NXPH1: variants seen among roughly 807,000 people sequenced by gnomAD.
NXPH1 encodes the protein neurexophilin-1.
A neutral mutation model predicts 23.7 loss-of-function variants in NXPH1; 5 were observed. That is an observed-to-expected ratio of 0.21 (90% confidence interval 0.11 to 0.44). The LOEUF is 0.44. Among genes scored for constraint, NXPH1 ranks in the 20% least tolerant of loss-of-function variants. NXPH1 has a pLI of 0.99. For synonymous variants in NXPH1, 144 were observed against 122.2 expected (o/e 1.18, Z -1.18); for missense variants, 324 against 321.6 (o/e 1.01, Z -0.06).
chr7:8,739,973 C>A (rs148616227), intron 2 of NXPH1, among the ~76,000 whole-genome samples: 1 of 152,288 alleles, frequency 6.6e-6, no homozygotes, highest in African/African-American at 2.4e-5. Flanking sequence ...CCATCTTTGT[C>A]TGAACATCAG....
At chr7:8,562,858 A>T (rs73050698) in intron 2 of NXPH1, among the ~76,000 whole-genome samples, 7,903 of 151,802 alleles carry the variant, frequency 0.052, 273 homozygotes, top group Middle Eastern at 0.099. Flanking sequence ...CTGAGTGGTG[A>T]GAATATCAAT....
At chr7:8,734,759 G>A (rs1291443911) in intron 2 of NXPH1, among the ~76,000 whole-genome samples, 2 of 152,078 alleles carry the variant, frequency 1.3e-5, no homozygotes, top group Non-Finnish European at 2.9e-5. Flanking sequence ...TTAATTTTCT[G>A]TCTCATTGAT....
At chr7:8,511,289 G>A (rs973324213) in intron 2 of NXPH1, among the ~76,000 whole-genome samples, 7 of 152,098 alleles carry the variant, frequency 4.6e-5, no homozygotes, top group African/African-American at 1.7e-4. Flanking sequence ...AATTACTGAA[G>A]AGTCTGTTTT....
chr7:8,607,509 T>A (rs1819520678), intron 2 of NXPH1, among the ~76,000 whole-genome samples: 1 of 152,210 alleles, frequency 6.6e-6, no homozygotes, highest in South Asian at 2.1e-4. Context: ...TGCCCTTGGC[T>A]ATTAATGCAA....
intron 2 of NXPH1, among the ~76,000 whole-genome samples, chr7:8,644,878 T>C (rs75049824): frequency 0.035 from 5,314 of 152,272 alleles, 295 homozygotes; most frequent in East Asian, 0.17. Context: ...TATATATGTT[T>C]ATCTCCCCAA....
intron 2 of NXPH1, among the ~76,000 whole-genome samples, chr7:8,588,278 A>G (rs569928200): frequency 1.3e-5 from 2 of 152,282 alleles, no homozygotes; most frequent in Admixed American, 1.3e-4. Flanking sequence ...AAATCATTCT[A>G]CTGTAAAGAC....
intron 2 of NXPH1, among the ~76,000 whole-genome samples, chr7:8,574,593 A>G (rs903845985): frequency 1.3e-5 from 2 of 152,166 alleles, no homozygotes; most frequent in African/African-American, 4.8e-5. Context: ...AGGCCAAACA[A>G]CACCACAGGT....
chr7:8,572,593 T>A (rs1170052355), intron 2 of NXPH1, among the ~76,000 whole-genome samples: 5 of 152,018 alleles, frequency 3.3e-5, no homozygotes, highest in Admixed American at 3.3e-4. Context: ...CTGATGCTTA[T>A]TTTTTTAAAG....
chr7:8,485,080 A>G (rs1321637033), intron 2 of NXPH1, among the ~76,000 whole-genome samples: 1 of 152,132 alleles, frequency 6.6e-6, no homozygotes, highest in Non-Finnish European at 1.5e-5. Flanking sequence ...TTCTAACGTA[A>G]GAAGAACTAG....
chr7:8,652,968 T>C (rs924793284), intron 2 of NXPH1, among the ~76,000 whole-genome samples: 13 of 151,982 alleles, frequency 8.6e-5, no homozygotes, highest in African/African-American at 3.1e-4. Context: ...CAGAAAAATA[T>C]AGGGCCATTG....
At chr7:8,629,585 G>A (rs2115133206) in intron 2 of NXPH1, among the ~76,000 whole-genome samples, 1 of 152,194 alleles carries the variant, frequency 6.6e-6, no homozygotes, top group Admixed American at 6.6e-5. Flanking sequence ...ATGTATATAA[G>A]TCATCGAGAT....
At chr7:8,604,560 G>A (rs1034366590) in intron 2 of NXPH1, among the ~76,000 whole-genome samples, 3 of 151,990 alleles carry the variant, frequency 2.0e-5, no homozygotes, top group Non-Finnish European at 4.4e-5. Flanking sequence ...GCTTTGAAGT[G>A]AACAATATAA....
intron 2 of NXPH1, among the ~76,000 whole-genome samples, chr7:8,602,776 A>G (rs1002750231): frequency 6.6e-6 from 1 of 152,096 alleles, no homozygotes; most frequent in Non-Finnish European, 1.5e-5. Context: ...TAGCTCCAAT[A>G]TCATGTTCCT....
chr7:8,478,938 A>G (rs1299497824), intron 2 of NXPH1, among the ~76,000 whole-genome samples: 1 of 152,126 alleles, frequency 6.6e-6, no homozygotes, highest in East Asian at 1.9e-4. Context: ...TTATTGGCAT[A>G]CAATGACCCA....
intron 2 of NXPH1, among the ~76,000 whole-genome samples, chr7:8,660,935 G>C (rs1053916784): frequency 6.6e-6 from 1 of 150,706 alleles, no homozygotes; most frequent in African/African-American, 2.4e-5. Context: ...AAAATCAGAG[G>C]ACATAATTTT....
intron 2 of NXPH1, among the ~76,000 whole-genome samples, chr7:8,694,593 T>C (rs577623911): frequency 1.3e-4 from 20 of 152,298 alleles, no homozygotes; most frequent in African/African-American, 4.8e-4. Flanking sequence ...AACACATCTA[T>C]TTTTTTCATA....
chr7:8,503,329 G>A lies in NXPH1; in HGVS notation c.54+67562G>A, dbSNP rs566386326. Among the ~76,000 whole-genome samples the A allele has an allele frequency of 6.6e-5, 10 of 152,084 alleles. No individual in the cohort carries two copies. In the South Asian group the frequency reaches 2.1e-3, roughly 32 times the overall value. Reference sequence around the variant, plus strand: ...AGGAGCAGAGCTAGGGTTTGAACCTGAGTATTTTGACTCCATAGTCTACTC... The same window carrying A: ...AGGAGCAGAGCTAGGGTTTGAACCTAAGTATTTTGACTCCATAGTCTACTC... On this transcript the variant is annotated intron_variant, in intron 2 of 2. Transcript: ENST00000405863.
At chr7:8,731,531 CT>C (rs1432517048) in intron 2 of NXPH1, among the ~76,000 whole-genome samples, 2 of 152,108 alleles carry the variant, frequency 1.3e-5, no homozygotes, top group Non-Finnish European at 2.9e-5. Context: ...TGTGGATGTC[CT>C]TTCTGTTTGT....
In NXPH1 at chr7:8,746,362, C is replaced by G. The variant is rs567020550; in HGVS notation, c.55-4646C>G. Among the ~76,000 whole-genome samples the G allele has an allele frequency of 3.9e-5, 6 of 152,278 alleles. No homozygotes were observed. The South Asian group carries it at 1.2e-3, about 32-fold the overall frequency. On this transcript the variant is annotated intron_variant, in intron 2 of 2. Transcript: ENST00000405863. Reference sequence around the variant, plus strand: ...ATTACAGCTGAAACCTGCTTTGATTCTTTACCCACACTGAGATGTTCCAGA... The same window carrying G: ...ATTACAGCTGAAACCTGCTTTGATTGTTTACCCACACTGAGATGTTCCAGA...
Sources: gnomAD v4.1 joint callset for allele counts (sites outside exome capture counted in the v4.1 genomes callset) on GRCh38, gnomAD v4.1.1 for gene constraint, MANE v1.5 for transcripts, NCBI Gene and HGNC (gene_info 2026-07-23, HGNC 2026-07-21) for gene names.